Variants in CABCOCO1 observed in about 807,000 individuals in gnomAD.
CABCOCO1 encodes the protein ciliary associated calcium binding coiled-coil 1, also known as ciliary-associated calcium-binding coiled-coil protein 1.
CABCOCO1 carries 28 observed loss-of-function variants against 35.7 expected under a neutral mutation model. That is an observed-to-expected ratio of 0.78 (90% CI 0.58 to 1.07). CABCOCO1 has a LOEUF of 1.07. Among genes scored for constraint, CABCOCO1 ranks in the 50% least tolerant of loss-of-function variants. The pLI is 0.00. For missense variants in CABCOCO1, 326 were observed against 309.2 expected, an observed-to-expected ratio of 1.05 and a Z score of -0.41; for synonymous variants, 95 against 100.1, an observed-to-expected ratio of 0.95 and a Z score of 0.30.
chr10:61,722,202 A>G (rs1184889638), intron 5 of CABCOCO1, among the ~76,000 whole-genome samples: 1 of 152,222 alleles, frequency 6.6e-6, no homozygotes, highest in Non-Finnish European at 1.5e-5. Flanking sequence ...CATTATTTTT[A>G]AGCAGCCATC....
At chr10:61,674,169 G>A (rs1428706003) in intron 2 of CABCOCO1, among the ~76,000 whole-genome samples, 1 of 152,146 alleles carries the variant, frequency 6.6e-6, no homozygotes, top group Non-Finnish European at 1.5e-5. Context: ...TGTAAATTGT[G>A]CTGTGTATCA....
chr10:61,680,705 ATAC>A (rs1444174623), intron 2 of CABCOCO1, among the ~76,000 whole-genome samples: 2 of 104,026 alleles, frequency 1.9e-5, no homozygotes, highest in African/African-American at 8.0e-5. Flanking sequence ...TATATATGTT[ATAC>A]ATGTATAACA....
intron 3 of CABCOCO1, among the ~76,000 whole-genome samples, chr10:61,682,137 A>G (rs1839811215): frequency 6.6e-6 from 1 of 152,164 alleles, no homozygotes. Context: ...ATTTGAGAAG[A>G]TATTTCTTTT....
chr10:61,759,408 T>A (rs2132091630), intron 5 of CABCOCO1, among the ~76,000 whole-genome samples: 1 of 152,192 alleles, frequency 6.6e-6, no homozygotes, highest in African/African-American at 2.4e-5. Flanking sequence ...CAAAGTTGGC[T>A]TCCTTGACTC....
At chr10:61,678,696 G>A (rs1839602453) in intron 2 of CABCOCO1, among the ~76,000 whole-genome samples, 1 of 151,970 alleles carries the variant, frequency 6.6e-6, no homozygotes, top group South Asian at 2.1e-4. Context: ...AGCAACTAAA[G>A]CCACTTATTC....
At chr10:61,699,516 G>A (rs1032369563) in intron 5 of CABCOCO1, among the ~76,000 whole-genome samples, 33 of 152,030 alleles carry the variant, frequency 2.2e-4, no homozygotes, top group African/African-American at 7.5e-4. Flanking sequence ...TGGCCTTTTC[G>A]TAATTACAGC....
chr10:61,755,435 T>C (rs1275729735), intron 5 of CABCOCO1, among the ~76,000 whole-genome samples: 1 of 152,080 alleles, frequency 6.6e-6, no homozygotes, highest in Non-Finnish European at 1.5e-5. Context: ...GTCAGGAAAG[T>C]TTGCAATCAA....
At chr10:61,753,348 AT>A (rs1216295766) in intron 5 of CABCOCO1, among the ~76,000 whole-genome samples, 1 of 152,128 alleles carries the variant, frequency 6.6e-6, no homozygotes, top group Non-Finnish European at 1.5e-5. Context: ...CTTGTAAAAA[AT>A]ATTTTGAAAA....
intron 5 of CABCOCO1, among the ~76,000 whole-genome samples, chr10:61,705,801 C>T (rs868681416): frequency 6.6e-6 from 1 of 152,178 alleles, no homozygotes; most frequent in South Asian, 2.1e-4. Flanking sequence ...ATATTACACA[C>T]ACATAATCTT....
At chr10:61,707,570 C>T (rs10509157) in intron 5 of CABCOCO1, among the ~76,000 whole-genome samples, 17,965 of 152,122 alleles carry the variant, frequency 0.12, 1,401 homozygotes, top group African/African-American at 0.19. Flanking sequence ...AGTGGCTATT[C>T]TCAGTAGGCT....
intron 5 of CABCOCO1, among the ~76,000 whole-genome samples, chr10:61,751,013 T>C (rs895160721): frequency 6.6e-6 from 1 of 152,112 alleles, no homozygotes; most frequent in Admixed American, 6.5e-5. Context: ...ATAAGCAAGA[T>C]ACTCTGCGAG....
chr10:61,717,551 C>T (rs1840897309), intron 5 of CABCOCO1, among the ~76,000 whole-genome samples: 1 of 151,982 alleles, frequency 6.6e-6, no homozygotes, highest in South Asian at 2.1e-4. Context: ...TTTTATTTAA[C>T]AACCAAAAAG....
intron 5 of CABCOCO1, 34 bp downstream of exon 5, chr10:61,690,655 A>G (rs1840110214): frequency 7.2e-7 from 1 of 1,390,456 alleles, no homozygotes; most frequent in Non-Finnish European, 1.0e-6. Flanking sequence ...CAAGTTAAGC[A>G]GAATCACTTA....
intron 2 of CABCOCO1, 115 bp from the exon 3 acceptor site, chr10:61,681,028 C>G (rs1177503701): frequency 2.0e-6 from 1 of 504,160 alleles, no homozygotes; most frequent in Non-Finnish European, 2.9e-6. Context: ...CTTGATGTAA[C>G]TGAATATTTT....
intron 5 of CABCOCO1, among the ~76,000 whole-genome samples, chr10:61,696,470 T>C (rs1190859630): frequency 2.0e-5 from 3 of 152,052 alleles, no homozygotes; most frequent in African/African-American, 7.2e-5. Flanking sequence ...GGAGAAAACA[T>C]TTGCAAATTA....
chr10:61,718,098 T>A (rs1269200001), intron 5 of CABCOCO1, among the ~76,000 whole-genome samples: 6 of 152,206 alleles, frequency 3.9e-5, no homozygotes, highest in Admixed American at 3.3e-4. Context: ...CGAGAGTATT[T>A]AATGTACTAA....
intron 2 of CABCOCO1, among the ~76,000 whole-genome samples, chr10:61,680,393 TA>T (rs1329766268): frequency 1.5e-5 from 2 of 133,154 alleles, no homozygotes; most frequent in East Asian, 2.0e-4. Context: ...ATAATATATA[TA>T]TTTTTATATA....
At chr10:61,688,592 G>A (rs747733350) in intron 4 of CABCOCO1, among the ~76,000 whole-genome samples, 5 of 152,022 alleles carry the variant, frequency 3.3e-5, no homozygotes, top group Non-Finnish European at 5.9e-5. Flanking sequence ...CCAAATACAC[G>A]TCTGCCGTTG....
intron 5 of CABCOCO1, among the ~76,000 whole-genome samples, chr10:61,718,121 T>C (rs375391457): frequency 7.9e-5 from 12 of 152,274 alleles, no homozygotes; most frequent in East Asian, 3.9e-4. Flanking sequence ...GAACCTTTAC[T>C]GAGTTTTAAC....
Sources: allele counts gnomAD v4.1 joint callset (sites outside exome capture counted in the v4.1 genomes callset), GRCh38; gene constraint gnomAD v4.1.1; transcripts MANE v1.5; gene names NCBI Gene and HGNC (gene_info 2026-07-23, HGNC 2026-07-21).